The following KCNAB1 variants were observed in gnomAD, a reference collection of about 807,000 sequenced individuals.
KCNAB1 encodes voltage-gated potassium channel subunit beta-1.
In KCNAB1, 35 loss-of-function variants were observed where a neutral mutation model predicts 64.6. The observed-to-expected ratio is 0.54, with a 90% CI of 0.41 to 0.72. KCNAB1 has a LOEUF of 0.72. Ranked by LOEUF, KCNAB1 falls within the 30% of genes least tolerant of loss-of-function variation. KCNAB1 has a pLI of 0.00. For missense variants in KCNAB1, 401 were observed against 512.9 expected, an observed-to-expected ratio of 0.78 and a Z score of 2.11; for synonymous variants, 177 against 183.8, an observed-to-expected ratio of 0.96 and a Z score of 0.30.
chr3:156,424,834 A>C (rs1367706964), intron 2 of KCNAB1, among the ~76,000 whole-genome samples: 1 of 152,224 alleles, frequency 6.6e-6, no homozygotes, highest in Non-Finnish European at 1.5e-5. Context: ...GGCTTGATTC[A>C]GGAGCAGCAA....
chr3:156,468,772 A>G (rs1017382217), intron 7 of KCNAB1, among the ~76,000 whole-genome samples: 1 of 152,224 alleles, frequency 6.6e-6, no homozygotes, highest in Non-Finnish European at 1.5e-5. Flanking sequence ...AACAGCTACA[A>G]TAAGTGACAA....
In KCNAB1 at chr3:156,514,459, C is replaced by A; in HGVS notation, c.744+10C>A. The A allele has an allele frequency of 6.3e-7, 1 of 1,598,520 alleles. No homozygotes were observed. The highest frequency in any genetic ancestry group is 8.6e-7 in the Non-Finnish European group (1 of 1,166,046). ...TGCTATGGAGATCATGGTAATTTAA[C>A]TTCTATTTTTAAATGGCTATTGAGT... is the stretch of plus-strand genomic sequence containing the variant. On this transcript the variant is annotated intron_variant, in intron 9 of 13. Coordinates refer to ENST00000490337, the MANE Select transcript of KCNAB1 (RefSeq NM_172160.3).
chr3:156,175,551 G>A (rs1174917646), intron 1 of KCNAB1, among the ~76,000 whole-genome samples: 19 of 152,192 alleles, frequency 1.2e-4, no homozygotes, highest in Non-Finnish European at 2.6e-4. Flanking sequence ...CCCGGGAGGC[G>A]GAGCTTGCAG....
chr3:156,516,454 C>A, intron 11 of KCNAB1, 90 bp downstream of exon 11: 2 of 919,458 alleles, frequency 2.2e-6, no homozygotes, highest in East Asian at 4.9e-5. Flanking sequence ...CTAGGGCTTC[C>A]CAGCTCAGGC....
At chr3:156,246,294 C>T (rs1717447102) in intron 1 of KCNAB1, among the ~76,000 whole-genome samples, 1 of 151,448 alleles carries the variant, frequency 6.6e-6, no homozygotes, top group Non-Finnish European at 1.5e-5. Context: ...CTATCAAAAC[C>T]AAGCAACATC....
intron 1 of KCNAB1, among the ~76,000 whole-genome samples, chr3:156,242,732 C>T (rs1366004110): frequency 6.6e-6 from 1 of 150,614 alleles, no homozygotes; most frequent in Non-Finnish European, 1.5e-5. Context: ...ACCAGTGATT[C>T]CAGTTGTTAT....
At chr3:156,143,564 TTCTTG>T in intron 1 of KCNAB1, 1 of 328,356 alleles carries the variant, frequency 3.0e-6, no homozygotes. Flanking sequence ...TTGGGTTGCA[TTCTTG>T]TTTTTTTTTT....
chr3:156,405,977 A>G (rs1714219956), intron 1 of KCNAB1, among the ~76,000 whole-genome samples: 1 of 152,228 alleles, frequency 6.6e-6, no homozygotes, highest in Non-Finnish European at 1.5e-5. Flanking sequence ...GAAGAAAAGA[A>G]CAGTTTTTTT....
At chr3:156,243,822 A>G (rs1214396333) in intron 1 of KCNAB1, among the ~76,000 whole-genome samples, 2 of 152,242 alleles carry the variant, frequency 1.3e-5, no homozygotes, top group Non-Finnish European at 2.9e-5. Context: ...AGAAGGTCAC[A>G]GTAATCAGGG....
At chr3:156,282,355 T>C (rs1227721955) in intron 1 of KCNAB1, among the ~76,000 whole-genome samples, 1 of 143,750 alleles carries the variant, frequency 7.0e-6, no homozygotes. Flanking sequence ...TTCTGTTCTT[T>C]TACATTTGCT....
At chr3:156,463,814 T>A (rs1313210262) in intron 6 of KCNAB1, 68 bp downstream of exon 6, 2 of 1,276,726 alleles carry the variant, frequency 1.6e-6, no homozygotes, top group Non-Finnish European at 2.2e-6. Flanking sequence ...TAGGCAGTTA[T>A]TTTACATATA....
intron 1 of KCNAB1, among the ~76,000 whole-genome samples, chr3:156,237,902 C>G (rs1360961773): frequency 6.6e-6 from 1 of 152,186 alleles, no homozygotes; most frequent in Non-Finnish European, 1.5e-5. Context: ...CCGTTTCTGT[C>G]CTATTCTGCC....
At chr3:156,334,275 T>C (rs1375925) in intron 1 of KCNAB1, among the ~76,000 whole-genome samples, 54,258 of 152,114 alleles carry the variant, frequency 0.36, 11,943 homozygotes, top group African/African-American at 0.63. Flanking sequence ...AAGTGGACAG[T>C]TACACCATCA....
At chr3:156,305,645 A>G (rs768137273) in intron 1 of KCNAB1, among the ~76,000 whole-genome samples, 1 of 152,224 alleles carries the variant, frequency 6.6e-6, no homozygotes, top group Admixed American at 6.5e-5. Flanking sequence ...AGTTGTACAC[A>G]GTTTCTGTTA....
intron 5 of KCNAB1, among the ~76,000 whole-genome samples, chr3:156,463,475 A>G (rs1397467791): frequency 1.3e-5 from 2 of 152,126 alleles, no homozygotes; most frequent in African/African-American, 4.8e-5. Context: ...CCAGGCAAAG[A>G]TCATTTCCAT....
chr3:156,118,545 G>A (rs1330061596), upstream of KCNAB1, among the ~76,000 whole-genome samples: 1 of 152,190 alleles, frequency 6.6e-6, no homozygotes, highest in Non-Finnish European at 1.5e-5. Flanking sequence ...TTTAAAACTG[G>A]CACAAGTAGA....
intron 1 of KCNAB1, among the ~76,000 whole-genome samples, chr3:156,167,321 G>A (rs1711645438): frequency 6.6e-6 from 1 of 152,140 alleles, no homozygotes. Context: ...TGGAAAAGGA[G>A]GAGATTCCAT....
chr3:156,496,424 T>C, intron 8 of KCNAB1, among the ~76,000 whole-genome samples: 1 of 152,132 alleles, frequency 6.6e-6, no homozygotes, highest in East Asian at 1.9e-4. Flanking sequence ...TCCCTGCACA[T>C]GCTCTTTTGC....
intron 1 of KCNAB1, among the ~76,000 whole-genome samples, chr3:156,270,925 G>T (rs1056775967): frequency 6.6e-6 from 1 of 152,046 alleles, no homozygotes; most frequent in African/African-American, 2.4e-5. Flanking sequence ...TATTTCTTCT[G>T]CATGTGTGAA....
Sources: allele counts gnomAD v4.1 joint callset (sites outside exome capture counted in the v4.1 genomes callset), GRCh38; gene constraint gnomAD v4.1.1; transcripts MANE v1.5; gene names NCBI Gene and HGNC (gene_info 2026-07-23, HGNC 2026-07-21).